CDH13: variants seen among roughly 807,000 people sequenced by gnomAD.
CDH13 encodes the protein cadherin-13.
A neutral mutation model predicts 63.8 loss-of-function variants in CDH13; 24 were observed. That is an observed-to-expected ratio of 0.38 (90% CI 0.27 to 0.53). The LOEUF (loss-of-function observed/expected upper bound fraction) is 0.53, where lower values mean the gene tolerates loss of function less well. Among genes scored for constraint, CDH13 ranks in the 20% least tolerant of loss-of-function variants. CDH13 has a pLI of 0.85. For synonymous variants in CDH13, 503 were observed against 355.3 expected, an observed-to-expected ratio of 1.42 and a Z score of -4.67; for missense variants, 1,049 against 903.1, an observed-to-expected ratio of 1.16 and a Z score of -2.07.
chr16:82,720,038 T>C (rs2032663991), intron 1 of CDH13, among the ~76,000 whole-genome samples: 1 of 152,098 alleles, frequency 6.6e-6, no homozygotes, highest in Non-Finnish European at 1.5e-5. Context: ...ACCAAACTTC[T>C]TAATAAAGAC....
chr16:83,316,790 A>G (rs945922377), intron 5 of CDH13, among the ~76,000 whole-genome samples: 4 of 152,226 alleles, frequency 2.6e-5, no homozygotes, highest in Admixed American at 1.3e-4. Flanking sequence ...GCTGTAAAAC[A>G]AACAACTTCA....
At chr16:83,231,750 G>C (rs528591532) in intron 5 of CDH13, among the ~76,000 whole-genome samples, 1 of 152,072 alleles carries the variant, frequency 6.6e-6, no homozygotes, top group African/African-American at 2.4e-5. Context: ...TGCCAACCCC[G>C]GACTAGATGA....
chr16:83,645,256 G>T (rs892720588), intron 8 of CDH13, among the ~76,000 whole-genome samples: 1 of 152,214 alleles, frequency 6.6e-6, no homozygotes, highest in Non-Finnish European at 1.5e-5. Flanking sequence ...CAACATGGGT[G>T]GAGCTGGAGG....
intron 4 of CDH13, chr16:83,181,156 A>C (rs929519243): frequency 4.2e-6 from 3 of 722,420 alleles, no homozygotes; most frequent in Non-Finnish European, 6.4e-6. Context: ...AGAAGTCATC[A>C]CATCTACTGA....
intron 8 of CDH13, among the ~76,000 whole-genome samples, chr16:83,630,175 T>G (rs1351244187): frequency 6.6e-6 from 1 of 152,196 alleles, no homozygotes; most frequent in Non-Finnish European, 1.5e-5. Flanking sequence ...AGGCATAGTT[T>G]TTAACCTCTC....
intron 6 of CDH13, among the ~76,000 whole-genome samples, chr16:83,436,637 T>C (rs985028150): frequency 2.0e-5 from 3 of 152,262 alleles, no homozygotes; most frequent in African/African-American, 7.2e-5. Flanking sequence ...TTGAAAGAAC[T>C]TAGTGCCTTT....
intron 10 of CDH13, among the ~76,000 whole-genome samples, chr16:83,707,856 A>AAAAAAAAAAAAAAAAAC: frequency 7.2e-6 from 1 of 139,700 alleles, no homozygotes; most frequent in Non-Finnish European, 1.5e-5. Context: ...AAAAAAAAAA[A>AAAAAAAAAAAAAAAAAC]AAGAGCTGGG....
In CDH13 at chr16:82,689,600, G is replaced by T. The variant is rs1011120729; in HGVS notation, c.45+62463G>T. 3.5e-4 allele frequency among the ~76,000 whole-genome samples: 54 copies of T among 152,182 alleles called. 1 individual carries two copies. Among genetic ancestry groups the T allele is most frequent in the African/African-American group, 1.2e-3 (49 of 41,450 alleles). On this transcript the variant is annotated intron_variant, in intron 1 of 13. Coordinates refer to ENST00000567109, the MANE Select transcript of CDH13 (RefSeq NM_001257.5). ...ACACTTGAAGATTGTTTTCTGGGATGTTGCTGCAAATGGCAAATGTGTTTG... is the reference window on the plus strand; with the variant it reads ...ACACTTGAAGATTGTTTTCTGGGATTTTGCTGCAAATGGCAAATGTGTTTG...
In CDH13 at chr16:83,677,244, CA is replaced by C. The variant is rs1211112273; in HGVS notation, c.1285-962del. On this transcript the variant is annotated intron_variant, in intron 9 of 13. Transcript: ENST00000567109. ...TCAATTGGCAGCGCCATTGTATTACCAATGTTTATCATGGAGTTTCTTTGAC... is the reference window on the plus strand; with the variant it reads ...TCAATTGGCAGCGCCATTGTATTACCATGTTTATCATGGAGTTTCTTTGAC... Among the ~76,000 whole-genome samples, 130 of 152,216 alleles carry C rather than the reference CA, an allele frequency of 8.5e-4. 1 individual carries two copies. Among genetic ancestry groups the C allele is most frequent in the African/African-American group, 3.1e-3 (127 of 41,532 alleles).
intron 4 of CDH13, among the ~76,000 whole-genome samples, chr16:83,152,991 C>G (rs2037053552): frequency 6.6e-6 from 1 of 152,172 alleles, no homozygotes; most frequent in Non-Finnish European, 1.5e-5. Context: ...AGACAGTAAC[C>G]ACCAAAAGCC....
At chr16:83,213,926 C>T (rs2039414681) in intron 4 of CDH13, among the ~76,000 whole-genome samples, 1 of 152,070 alleles carries the variant, frequency 6.6e-6, no homozygotes, top group Non-Finnish European at 1.5e-5. Context: ...TAAAAACGCA[C>T]CAATCTGCAC....
chr16:83,221,039 A>G (rs1396169164), intron 5 of CDH13, among the ~76,000 whole-genome samples: 5 of 152,266 alleles, frequency 3.3e-5, no homozygotes, highest in African/African-American at 9.6e-5. Flanking sequence ...CTGTTAAACA[A>G]CTTTTTCAAG....
intron 2 of CDH13, chr16:82,953,190 A>G (rs185766268): frequency 1.6e-4 from 25 of 152,290 alleles, no homozygotes; most frequent in Non-Finnish European, 3.2e-4. Context: ...AGATTTGTGG[A>G]TATTTCATTG....
chr16:83,158,167 TC>T (rs1031560251), intron 4 of CDH13, among the ~76,000 whole-genome samples: 1 of 151,772 alleles, frequency 6.6e-6, no homozygotes, highest in Non-Finnish European at 1.5e-5. Context: ...GTACTCCCAC[TC>T]CCCCCGGACA....
At chr16:82,655,300 G>T (rs140071587) in intron 1 of CDH13, among the ~76,000 whole-genome samples, 3 of 152,208 alleles carry the variant, frequency 2.0e-5, no homozygotes, top group Non-Finnish European at 4.4e-5. Flanking sequence ...ACCATAAAAG[G>T]GTAAAGTGTG....
chr16:83,769,975 G>A (rs1009343186), intron 11 of CDH13, among the ~76,000 whole-genome samples: 2 of 152,164 alleles, frequency 1.3e-5, no homozygotes, highest in African/African-American at 4.8e-5. Flanking sequence ...ACAAGGAACT[G>A]GGCCAGGGTG....
chr16:83,156,066 A>T (rs1220546472), intron 4 of CDH13, among the ~76,000 whole-genome samples: 1 of 152,198 alleles, frequency 6.6e-6, no homozygotes, highest in Non-Finnish European at 1.5e-5. Flanking sequence ...AAGGCTGGGC[A>T]GGAATTAGCT....
chr16:82,746,380 C>T (rs894288575), intron 1 of CDH13, among the ~76,000 whole-genome samples: 1 of 151,808 alleles, frequency 6.6e-6, no homozygotes, highest in African/African-American at 2.4e-5. Context: ...TCTAGGCAAA[C>T]CTGAGATGCT....
intron 3 of CDH13, among the ~76,000 whole-genome samples, chr16:83,043,839 A>C (rs868430148): frequency 2.6e-5 from 4 of 152,126 alleles, no homozygotes; most frequent in South Asian, 4.1e-4. Context: ...TCAAAAAAAA[A>C]AAAAAATCAA....
Sources: gnomAD v4.1 joint callset for allele counts (sites outside exome capture counted in the v4.1 genomes callset) on GRCh38, gnomAD v4.1.1 for gene constraint, MANE v1.5 for transcripts, NCBI Gene and HGNC (gene_info 2026-07-23, HGNC 2026-07-21) for gene names.